CRYBB1: variants seen among roughly 807,000 people sequenced by gnomAD.
The protein encoded by CRYBB1 is crystallin beta B1.
Under a neutral mutation model 29.5 loss-of-function variants are expected in CRYBB1, and 16 were observed. That is an observed-to-expected ratio of 0.54 (90% CI 0.37 to 0.82). CRYBB1 has a LOEUF of 0.82. Ranked by LOEUF, CRYBB1 falls within the 40% of genes least tolerant of loss-of-function variation. CRYBB1 has a pLI of 0.00. For synonymous variants in CRYBB1, 127 were observed against 136.7 expected, an observed-to-expected ratio of 0.93 and a Z score of 0.49; for missense variants, 300 against 350.5, an observed-to-expected ratio of 0.86 and a Z score of 1.15.
At chr22:26,601,595 G>A (rs1029543247) in intron 5 of CRYBB1, among the ~76,000 whole-genome samples, 2 of 151,174 alleles carry the variant, frequency 1.3e-5, no homozygotes, top group African/African-American at 2.4e-5. Flanking sequence ...CCTTTTAGTT[G>A]ATTACTCCTT....
At chr22:26,616,637 A>G (rs1215773257) in intron 1 of CRYBB1, among the ~76,000 whole-genome samples, 1 of 152,050 alleles carries the variant, frequency 6.6e-6, no homozygotes, top group Non-Finnish European at 1.5e-5. Flanking sequence ...AATTTTCCAC[A>G]CTGCTTATCA....
chr22:26,613,945 C>A (rs76486034), intron 2 of CRYBB1, among the ~76,000 whole-genome samples: 1 of 152,212 alleles, frequency 6.6e-6, no homozygotes, highest in African/African-American at 2.4e-5. Context: ...ACTGGCCCCC[C>A]TGGGCGTGGT....
At chr22:26,601,838 C>T in intron 5 of CRYBB1, 41 bp downstream of exon 5, 2 of 1,611,044 alleles carry the variant, frequency 1.2e-6, no homozygotes, top group African/African-American at 1.3e-5. Context: ...TCTGCCTGTG[C>T]TTGAAGCAGG....
At position 26,616,255 on chromosome 22, in the gene CRYBB1, T is replaced by A. The variant is rs946110379; in HGVS notation, c.65A>T (p.Lys22Met). 9.3e-6 allele frequency: 15 copies of A among 1,614,068 alleles called. No individual in the cohort carries two copies. Among genetic ancestry groups the A allele is most frequent in the Non-Finnish European group, 1.1e-5 (13 of 1,179,896 alleles). ...TCCTGCAGGTGGGGCCCCCTTCCCC[T>A]TGGTGTCAGGCCCTGGGTTCACCGC... ...TVAVNPGPDT[K>M]GKGAPPAGTS... The change falls in exon 2 of 6, where the codon AAG becomes ATG. Residue 22 changes from lysine to methionine, a missense_variant. Physicochemically the swap from Lys to Met is moderately conservative, Grantham distance 95. Coordinates refer to ENST00000647684, the MANE Select transcript of CRYBB1 (RefSeq NM_001887.4).
rs750059312 is a variant in CRYBB1 at position 26,616,355 on chromosome 22, G to A, written c.-19-17C>T. ...TGCAAAAGTCTGTAAAGAAACTCTG[G>A]CCTTCAGGGATGACACCCCCAAACT... On this transcript the variant is annotated splice_polypyrimidine_tract_variant and intron_variant, in intron 1 of 5. Coordinates refer to ENST00000647684, the MANE Select transcript of CRYBB1 (RefSeq NM_001887.4). The A allele has an allele frequency of 6.3e-7, 1 of 1,585,708 alleles. No homozygotes were observed. Among genetic ancestry groups the A allele is most frequent in the Non-Finnish European group, 8.6e-7 (1 of 1,159,098 alleles).
At chr22:26,616,458 C>T (rs775385928) in intron 1 of CRYBB1, 120 bp from the exon 2 acceptor site, 28 of 712,810 alleles carry the variant, frequency 3.9e-5, no homozygotes, top group Admixed American at 8.9e-5. Flanking sequence ...CCTTCTGAAA[C>T]GGTTAAGCCT....
chr22:26,603,632 C>T (rs147171984), intron 4 of CRYBB1, among the ~76,000 whole-genome samples: 13 of 150,696 alleles, frequency 8.6e-5, no homozygotes, highest in African/African-American at 2.0e-4. Context: ...TGGCCGGGCG[C>T]GGTGGCTCAC....
At chr22:26,599,745 C>T (rs1232450924) in intron 5 of CRYBB1, 72 bp from the exon 6 acceptor site, 3 of 1,190,468 alleles carry the variant, frequency 2.5e-6, no homozygotes, top group Non-Finnish European at 3.7e-6. Context: ...CCCTGCCAGA[C>T]CAGCCTGTCC....
chr22:26,617,003 T>G (rs964694545), intron 1 of CRYBB1, among the ~76,000 whole-genome samples: 2 of 152,252 alleles, frequency 1.3e-5, no homozygotes, highest in African/African-American at 4.8e-5. Context: ...AGATGCCCAA[T>G]TAACATTTGT....
chr22:26,599,394 T>G lies in CRYBB1; in HGVS notation c.*96A>C. ...CATCTGTTTACAGATCCAGGAGAAATTTTGGCTTTAGGGAATTTTATTTGC... is the reference window on the plus strand; with the variant it reads ...CATCTGTTTACAGATCCAGGAGAAAGTTTGGCTTTAGGGAATTTTATTTGC... On this transcript the variant is annotated 3_prime_UTR_variant, in exon 6 of 6. Coordinates refer to ENST00000647684, the MANE Select transcript of CRYBB1 (RefSeq NM_001887.4). 1 of 1,275,540 alleles carries G rather than the reference T, an allele frequency of 7.8e-7. No homozygotes were observed. The highest frequency in any genetic ancestry group is 1.1e-6 in the Non-Finnish European group (1 of 901,650). The allele number at this position is 1,275,540 out of a possible 1,614,324, so 79.0% of individuals were successfully genotyped here.
At position 26,599,532 on chromosome 22, in the gene CRYBB1, G is replaced by A. The variant is rs779509832; in HGVS notation, c.717C>T (p.Leu239=). 2.0e-5 allele frequency: 33 copies of A among 1,613,712 alleles called. No individual in the cohort carries two copies. The highest frequency in any genetic ancestry group is 2.0e-4 in the Admixed American group (12 of 60,008). Residue 239 remains leucine (L), a synonymous_variant, in exon 6 of 6, where the codon CTC becomes CTT. Coordinates refer to ENST00000647684, the MANE Select transcript of CRYBB1 (RefSeq NM_001887.4). ...TGGCCAGGACAGGGAAGGACCCCTC[G>A]AGGTGCCACTGCTTGTCACGCAGGC... ...LRRLRDKQWH[L]EGSFPVLATE...
intron 4 of CRYBB1, among the ~76,000 whole-genome samples, chr22:26,602,995 G>C (rs1238772185): frequency 6.6e-6 from 1 of 151,602 alleles, no homozygotes; most frequent in African/African-American, 2.4e-5. Context: ...CGTGGTGGTG[G>C]GAGCCTGTAG....
intron 4 of CRYBB1, among the ~76,000 whole-genome samples, chr22:26,605,929 C>T (rs1037043530): frequency 2.0e-5 from 3 of 152,046 alleles, no homozygotes; most frequent in South Asian, 2.1e-4. Context: ...ATTTAACCTG[C>T]GGCCTGCAGG....
At chr22:26,611,469 G>GTTT (rs796631077) in intron 3 of CRYBB1, among the ~76,000 whole-genome samples, 6 of 133,308 alleles carry the variant, frequency 4.5e-5, no homozygotes, top group South Asian at 2.3e-4. Context: ...TTTTTTTTTT[G>GTTT]TTTTTTTTTT....
intron 2 of CRYBB1, among the ~76,000 whole-genome samples, chr22:26,615,467 G>A (rs973885414): frequency 1.3e-5 from 2 of 151,960 alleles, no homozygotes; most frequent in Non-Finnish European, 2.9e-5. Flanking sequence ...GGTATGGTTT[G>A]GTTGTTGTTA....
intron 4 of CRYBB1, among the ~76,000 whole-genome samples, chr22:26,605,235 A>G (rs1023896305): frequency 3.3e-5 from 5 of 152,098 alleles, no homozygotes; most frequent in African/African-American, 7.2e-5. Context: ...TGTAACACCT[A>G]CCACAGTTTG....
chr22:26,599,889 C>T (rs1028271240), intron 5 of CRYBB1, among the ~76,000 whole-genome samples: 3 of 152,174 alleles, frequency 2.0e-5, no homozygotes, highest in East Asian at 1.9e-4. Flanking sequence ...AGCATGGTCA[C>T]GGTGCCTGGT....
intron 1 of CRYBB1, 42 bp from the exon 2 acceptor site, chr22:26,616,380 T>A: frequency 7.3e-7 from 1 of 1,369,210 alleles, no homozygotes; most frequent in South Asian, 1.2e-5. Context: ...ACCCCCAAAC[T>A]GCCTCCTGCC....
chr22:26,617,796 C>T lies in CRYBB1; in HGVS notation c.-20+181G>A, dbSNP rs369210361. On this transcript the variant is annotated intron_variant, in intron 1 of 5. Transcript: ENST00000647684. ...TATTTACTTCTCTCTCTATTTCTGTCTTTTCTCACTCTCTCCCCTCTCCCT... is the reference window on the plus strand; with the variant it reads ...TATTTACTTCTCTCTCTATTTCTGTTTTTTCTCACTCTCTCCCCTCTCCCT... Among the ~76,000 whole-genome samples the T allele has an allele frequency of 2.9e-4, 44 of 152,004 alleles. 1 individual carries two copies. In the East Asian group the frequency reaches 3.9e-3, roughly 13 times the overall value.
Sources: allele counts gnomAD v4.1 joint callset (sites outside exome capture counted in the v4.1 genomes callset), GRCh38; gene constraint gnomAD v4.1.1; transcripts MANE v1.5; gene names NCBI Gene and HGNC (gene_info 2026-07-23, HGNC 2026-07-21).